Variants in WASHC3 observed in about 807,000 individuals in gnomAD.
WASHC3 encodes WASH complex subunit 3, also known as WASH complex subunit CCDC53.
WASHC3 carries 24 observed loss-of-function variants against 26.1 expected under a neutral mutation model. The observed-to-expected ratio is 0.92, with a 90% CI of 0.66 to 1.29. The LOEUF is 1.29. Ranked by LOEUF, WASHC3 falls within the 50% of genes most tolerant of loss-of-function variation. The pLI is 0.00. For missense variants in WASHC3, 214 were observed against 229.6 expected (o/e 0.93, Z 0.44); for synonymous variants, 77 against 75.7 (o/e 1.02, Z -0.09).
chr12:102,051,161 T>A (rs946091147), intron 2 of WASHC3, among the ~76,000 whole-genome samples: 1 of 152,234 alleles, frequency 6.6e-6, no homozygotes, highest in African/African-American at 2.4e-5. Flanking sequence ...CTTGAGGGTT[T>A]ATCTGTGACT....
intron 2 of WASHC3, among the ~76,000 whole-genome samples, chr12:102,060,683 C>T (rs1006493218): frequency 2.6e-5 from 4 of 152,092 alleles, no homozygotes; most frequent in African/African-American, 7.2e-5. Context: ...AAGCCGGGCG[C>T]GGTGGCTCAC....
chr12:102,044,185 C>T lies in WASHC3; in HGVS notation c.244G>A (p.Val82Ile), dbSNP rs374642397. Residue 82 changes from valine to isoleucine, a missense_variant, in exon 4 of 7, where the codon GTC becomes ATC. By Grantham distance (29) the Val-to-Ile change is conservative. Transcript: ENST00000240079. ...KLSSIPGLDD[V>I]TVEVSPLNVT... ...TTTAAAGGAGATACTTCAACTGTGA[C>T]ATCATCTAGGCCTGGGATAGATGAC... 6.2e-7 allele frequency: 1 copy of T among 1,608,138 alleles called. No individual in the cohort carries two copies. The highest frequency in any genetic ancestry group is 8.5e-7 in the Non-Finnish European group (1 of 1,176,366).
intron 4 of WASHC3, among the ~76,000 whole-genome samples, chr12:102,040,733 A>C (rs533082896): frequency 6.6e-6 from 1 of 152,182 alleles, no homozygotes; most frequent in South Asian, 2.1e-4. Context: ...TGCATATGAG[A>C]ACCATATCCT....
chr12:102,047,097 C>T (rs767175808), intron 2 of WASHC3, among the ~76,000 whole-genome samples: 25 of 152,284 alleles, frequency 1.6e-4, no homozygotes, highest in Non-Finnish European at 3.2e-4. Context: ...TGTAAATATA[C>T]ACCTATACAA....
At chr12:102,051,831 C>T (rs1219115496) in intron 2 of WASHC3, among the ~76,000 whole-genome samples, 1 of 152,146 alleles carries the variant, frequency 6.6e-6, no homozygotes. Flanking sequence ...GGACTGACTG[C>T]GATAATTAAA....
intron 6 of WASHC3, among the ~76,000 whole-genome samples, chr12:102,024,497 C>T (rs1296854825): frequency 6.6e-6 from 1 of 152,090 alleles, no homozygotes; most frequent in African/African-American, 2.4e-5. Flanking sequence ...AGGAAGAAGA[C>T]AGAATCAAGG....
Position 102,046,090 on chromosome 12 carries a change from T to C in WASHC3, c.180A>G (p.Gln60=). The change falls in exon 3 of 7, where the codon CAA becomes CAG. Residue 60 remains glutamine (Q), a synonymous_variant. Coordinates refer to ENST00000240079, the MANE Select transcript of WASHC3 (RefSeq NM_016053.4). ...AAATATTGAGAGTTGTTTCAATTTGTTGGATACGAAGTGAAAGGTCTGCCA... is the reference window on the plus strand; with the variant it reads ...AAATATTGAGAGTTGTTTCAATTTGCTGGATACGAAGTGAAAGGTCTGCCA... ...EKLADLSLRI[Q]QIETTLNILD... The C allele has an allele frequency of 6.3e-7, 1 of 1,598,360 alleles. No homozygotes were observed. Among genetic ancestry groups the C allele is most frequent in the Non-Finnish European group, 8.5e-7 (1 of 1,169,942 alleles).
intron 6 of WASHC3, among the ~76,000 whole-genome samples, chr12:102,013,397 G>A (rs933322031): frequency 2.6e-5 from 4 of 152,100 alleles, no homozygotes; most frequent in Non-Finnish European, 5.9e-5. Context: ...TAGAGGCCGC[G>A]ACAGTATTTT....
At chr12:102,049,030 G>A (rs1878281879) in intron 2 of WASHC3, among the ~76,000 whole-genome samples, 2 of 152,208 alleles carry the variant, frequency 1.3e-5, no homozygotes, top group South Asian at 4.1e-4. Context: ...ATGGGCTGCT[G>A]AAGTTCATTT....
At chr12:102,052,780 C>A (rs946625457) in intron 2 of WASHC3, among the ~76,000 whole-genome samples, 4 of 152,046 alleles carry the variant, frequency 2.6e-5, no homozygotes, top group African/African-American at 9.7e-5. Context: ...GGGCTGACAC[C>A]CATAAACACA....
intron 6 of WASHC3, chr12:102,019,424 C>G (rs1268313535): frequency 1.2e-5 from 4 of 338,606 alleles, no homozygotes; most frequent in Non-Finnish European, 2.3e-5. Context: ...GAAAAAGTTG[C>G]TACCTTAAAC....
chr12:102,037,327 G>C (rs191422116), intron 5 of WASHC3, among the ~76,000 whole-genome samples: 1 of 152,334 alleles, frequency 6.6e-6, no homozygotes, highest in Admixed American at 6.5e-5. Flanking sequence ...AGGGAAGAGA[G>C]AGAGTAAATA....
chr12:102,025,832 C>T (rs1468160090), intron 6 of WASHC3, 142 bp downstream of exon 6: 1 of 616,458 alleles, frequency 1.6e-6, no homozygotes, highest in South Asian at 2.0e-5. Context: ...GGTAACATAA[C>T]AGACACACTA....
intron 1 of WASHC3, 44 bp downstream of exon 1, chr12:102,061,868 C>T (rs780262796): frequency 1.0e-5 from 16 of 1,533,688 alleles, no homozygotes; most frequent in Non-Finnish European, 1.4e-5. Context: ...TCTTCCCCAT[C>T]CTCCTCCCGG....
rs80018835 is a variant in WASHC3, at chr12:102,041,219, T to C, written c.325-1241A>G. Among the ~76,000 whole-genome samples the C allele has an allele frequency of 2.0e-4, 30 of 152,096 alleles. No homozygotes were observed. In the East Asian group the frequency reaches 4.2e-3, roughly 21 times the overall value. ...AATTAAAACAATAACCAAGTATGTT[T>C]TTTAACAATTTATGGAAATTAAACT... is the stretch of plus-strand genomic sequence containing the variant. On this transcript the variant is annotated intron_variant, in intron 4 of 6. Coordinates refer to ENST00000240079, the MANE Select transcript of WASHC3 (RefSeq NM_016053.4).
chr12:102,013,107 C>G lies in WASHC3; in HGVS notation c.*1G>C. 7.1e-7 allele frequency: 1 copy of G among 1,402,804 alleles called. No individual in the cohort carries two copies. The highest frequency in any genetic ancestry group is 1.4e-5 in the African/African-American group (1 of 70,326). 86.9% of individuals were successfully genotyped at this position (1,402,804 alleles called of 1,614,324 possible). On this transcript the variant is annotated 3_prime_UTR_variant, in exon 7 of 7. Coordinates refer to ENST00000240079, the MANE Select transcript of WASHC3 (RefSeq NM_016053.4). ...ATATGTAATTCTTATCAAAATTAAG[C>G]TTAATCACTAAAAGAAGATTCGCTA...
chr12:102,018,622 T>G (rs377082672), intron 6 of WASHC3, among the ~76,000 whole-genome samples: 27 of 152,064 alleles, frequency 1.8e-4, no homozygotes, highest in African/African-American at 5.1e-4. Flanking sequence ...GCAGATACAC[T>G]CTATCGCGCC....
Position 102,039,623 on chromosome 12 carries a change from G to A in WASHC3, c.435+245C>T, listed in dbSNP as rs150250127. ...ATTTGCATTGATAACTTTGTGTAATGCAAAAAAATGTACATAAATCTATAT... is the reference window on the plus strand; with the variant it reads ...ATTTGCATTGATAACTTTGTGTAATACAAAAAAATGTACATAAATCTATAT... On this transcript the variant is annotated intron_variant, in intron 5 of 6. Transcript: ENST00000240079. Among the ~76,000 whole-genome samples, 801 of 151,008 alleles carry A rather than the reference G, an allele frequency of 5.3e-3. 7 individuals carry two copies. The highest frequency in any genetic ancestry group is 0.019 in the African/African-American group (769 of 41,152).
At chr12:102,039,711 A>T (rs569788174) in intron 5 of WASHC3, among the ~76,000 whole-genome samples, 157 bp downstream of exon 5, 118 of 150,146 alleles carry the variant, frequency 7.9e-4, no homozygotes, top group African/African-American at 2.7e-3. Flanking sequence ...TTTTTTTTTT[A>T]ATCAGAGAAT....
Sources: gnomAD v4.1 joint callset for allele counts (sites outside exome capture counted in the v4.1 genomes callset) on GRCh38, gnomAD v4.1.1 for gene constraint, MANE v1.5 for transcripts, NCBI Gene and HGNC (gene_info 2026-07-23, HGNC 2026-07-21) for gene names.